Variants in CSMD1 observed in about 807,000 individuals in gnomAD.
CSMD1 encodes the protein CUB and sushi domain-containing protein 1.
Under a neutral mutation model 417.5 loss-of-function variants are expected in CSMD1, and 213 were observed. The ratio of observed to expected loss-of-function variants is 0.51; its 90% CI spans 0.46 to 0.57. CSMD1 has a LOEUF of 0.57. CSMD1 is among the 20% of genes least tolerant of loss of function. The pLI, the probability that CSMD1 is intolerant of heterozygous loss-of-function variation, is 0.00. For missense variants in CSMD1, 6,923 were observed against 4,529.7 expected (o/e 1.53, Z -15.17); for synonymous variants, 2,862 against 1,736.8 (o/e 1.65, Z -16.11).
chr8:3,753,217 CAA>C (rs1030737693), intron 6 of CSMD1, among the ~76,000 whole-genome samples: 3 of 152,128 alleles, frequency 2.0e-5, no homozygotes, highest in African/African-American at 7.2e-5. Flanking sequence ...CCATTATTTT[CAA>C]AGTCATGTTA....
chr8:3,270,682 A>G (rs1230095252), intron 26 of CSMD1, among the ~76,000 whole-genome samples: 2 of 152,196 alleles, frequency 1.3e-5, no homozygotes, highest in East Asian at 1.9e-4. Context: ...GATAATAAAC[A>G]TACAAAACCA....
intron 3 of CSMD1, among the ~76,000 whole-genome samples, chr8:4,082,673 T>A (rs1800202652): frequency 6.6e-6 from 1 of 152,024 alleles, no homozygotes; most frequent in South Asian, 2.1e-4. Context: ...TGCAGGTTAG[T>A]TACATATGCA....
At position 4,637,598 on chromosome 8, in the gene CSMD1, G is replaced by T; in HGVS notation, c.86-40C>A. ...ACACACAAAAAAGCATATTATTCTG[G>T]CCATCTTTAATCTGTGATTTAAAAA... On this transcript the variant is annotated intron_variant, in intron 1 of 69. Coordinates refer to ENST00000635120, the MANE Select transcript of CSMD1 (RefSeq NM_033225.6). 2.3e-6 allele frequency: 3 copies of T among 1,319,426 alleles called. No homozygotes were observed. In the South Asian group the frequency reaches 3.9e-5, roughly 17 times the overall value. The allele number at this position is 1,319,426 out of a possible 1,614,324, so 81.7% of individuals were successfully genotyped here.
chr8:3,414,709 G>A (rs949311377), intron 12 of CSMD1, among the ~76,000 whole-genome samples: 18 of 152,084 alleles, frequency 1.2e-4, no homozygotes, highest in African/African-American at 4.1e-4. Flanking sequence ...GACATATCTC[G>A]TTAGTTCTTT....
intron 15 of CSMD1, among the ~76,000 whole-genome samples, chr8:3,405,168 C>A (rs1026760437): frequency 7.9e-5 from 12 of 152,050 alleles, no homozygotes; most frequent in Admixed American, 1.3e-4. Context: ...ACAAGATAGA[C>A]AAAAATGATA....
At chr8:3,155,358 G>GTTTTTTTTTTTTTTTTTTTTTT (rs763097673) in intron 39 of CSMD1, among the ~76,000 whole-genome samples, 11 of 48,094 alleles carry the variant, frequency 2.3e-4, no homozygotes, top group Non-Finnish European at 3.4e-4. Context: ...TCAAGGCTGG[G>GTTTTTTTTTTTTTTTTTTTTTT]ATTTTTTTTT....
intron 6 of CSMD1, among the ~76,000 whole-genome samples, chr8:3,730,245 T>A (rs150137873): frequency 6.6e-6 from 1 of 152,150 alleles, no homozygotes; most frequent in African/African-American, 2.4e-5. Context: ...AAATTCGAGA[T>A]GAGAAAATAC....
chr8:4,712,987 G>A (rs1013380656), intron 1 of CSMD1, among the ~76,000 whole-genome samples: 1 of 152,184 alleles, frequency 6.6e-6, no homozygotes, highest in Non-Finnish European at 1.5e-5. Flanking sequence ...GGAATTACTG[G>A]CAGTAATATT....
chr8:2,949,865 G>A (rs1802505666), intron 67 of CSMD1, among the ~76,000 whole-genome samples: 1 of 152,050 alleles, frequency 6.6e-6, no homozygotes, highest in African/African-American at 2.4e-5. Flanking sequence ...TATTTATCTG[G>A]GAATGATTTC....
chr8:4,619,524 C>G (rs982186226), intron 2 of CSMD1, among the ~76,000 whole-genome samples: 1 of 152,022 alleles, frequency 6.6e-6, no homozygotes, highest in South Asian at 2.1e-4. Flanking sequence ...ACTCTGAGTC[C>G]AAACGTTTTG....
intron 12 of CSMD1, among the ~76,000 whole-genome samples, chr8:3,436,831 A>G (rs1317426130): frequency 6.6e-6 from 1 of 152,186 alleles, no homozygotes; most frequent in African/African-American, 2.4e-5. Context: ...GATTTTTGTC[A>G]GTATGCTAAT....
At position 3,762,216 on chromosome 8, in the gene CSMD1, G is replaced by A. The variant is rs1024943343; in HGVS notation, c.819-8174C>T. 3.3e-5 allele frequency among the ~76,000 whole-genome samples: 5 copies of A among 152,040 alleles called. No homozygotes were observed. In the East Asian group the frequency reaches 9.7e-4, roughly 30 times the overall value. On this transcript the variant is annotated intron_variant, in intron 5 of 69. Coordinates refer to ENST00000635120, the MANE Select transcript of CSMD1 (RefSeq NM_033225.6). ...CAGGGCGCCATGCAAAGCCCCATGT[G>A]CCCTCCTGACTCAGATCATCCCATG...
intron 1 of CSMD1, among the ~76,000 whole-genome samples, chr8:4,901,649 TGCAAG>T (rs1804877156): frequency 6.6e-6 from 1 of 152,234 alleles, no homozygotes; most frequent in African/African-American, 2.4e-5. Flanking sequence ...CTAGAAAGTT[TGCAAG>T]GCTCTTTGTA....
chr8:3,746,492 C>G (rs1563335081), intron 6 of CSMD1, among the ~76,000 whole-genome samples: 1 of 152,132 alleles, frequency 6.6e-6, no homozygotes, highest in African/African-American at 2.4e-5. Context: ...ATTAATATTT[C>G]AGAGACACAA....
rs138187919 is a variant in CSMD1, at chr8:4,239,027, G to A, written c.415+180926C>T. 5.3e-3 allele frequency among the ~76,000 whole-genome samples: 806 copies of A among 152,254 alleles called. 2 individuals carry two copies. Among genetic ancestry groups the A allele is most frequent in the Middle Eastern group, 0.027 (8 of 294 alleles). Reference sequence around the variant, plus strand: ...GCTACAGGATTAGGTTCGAAAATCTGCTTTTGCTGAAATATCACACATCCC... The same window carrying A: ...GCTACAGGATTAGGTTCGAAAATCTACTTTTGCTGAAATATCACACATCCC... On this transcript the variant is annotated intron_variant, in intron 3 of 69. Transcript: ENST00000635120.
At chr8:3,826,745 G>C (rs557235735) in intron 5 of CSMD1, among the ~76,000 whole-genome samples, 2 of 152,004 alleles carry the variant, frequency 1.3e-5, no homozygotes, top group African/African-American at 4.8e-5. Flanking sequence ...ATATCCCTAG[G>C]AGGACTCACT....
chr8:3,745,817 T>G lies in CSMD1; in HGVS notation c.931+8113A>C, dbSNP rs575542942. Reference sequence around the variant, plus strand: ...CAATGTAACCTGTGCCTTTGAAGGTTTCCTGGTTTCCCTACAGCTGTGAAT... The same window carrying G: ...CAATGTAACCTGTGCCTTTGAAGGTGTCCTGGTTTCCCTACAGCTGTGAAT... On this transcript the variant is annotated intron_variant, in intron 6 of 69. Coordinates refer to ENST00000635120, the MANE Select transcript of CSMD1 (RefSeq NM_033225.6). 5.9e-5 allele frequency among the ~76,000 whole-genome samples: 9 copies of G among 152,324 alleles called. No homozygotes were observed. In the South Asian group the frequency reaches 1.5e-3, roughly 25 times the overall value.
chr8:4,206,118 G>C (rs958084494), intron 3 of CSMD1, among the ~76,000 whole-genome samples: 1 of 152,128 alleles, frequency 6.6e-6, no homozygotes, highest in Non-Finnish European at 1.5e-5. Flanking sequence ...GCAGGGAAAA[G>C]GATAGGGAGG....
chr8:3,533,172 A>G (rs545889727), intron 10 of CSMD1, among the ~76,000 whole-genome samples: 1 of 152,324 alleles, frequency 6.6e-6, no homozygotes, highest in Admixed American at 6.5e-5. Flanking sequence ...ATTCTGTGCC[A>G]AAAATTGTAC....
Sources: allele counts gnomAD v4.1 joint callset (sites outside exome capture counted in the v4.1 genomes callset), GRCh38; gene constraint gnomAD v4.1.1; transcripts MANE v1.5; gene names NCBI Gene and HGNC (gene_info 2026-07-23, HGNC 2026-07-21).